The following ERMP1 variants were observed in gnomAD, a reference collection of about 807,000 sequenced individuals.
ERMP1 encodes endoplasmic reticulum metallopeptidase 1, also known as Felix-ina.
In ERMP1, 86 loss-of-function variants were observed where a neutral mutation model predicts 92.0. The observed-to-expected ratio is 0.93, with a 90% CI of 0.79 to 1.12. The LOEUF (loss-of-function observed/expected upper bound fraction) is 1.12, where lower values mean the gene tolerates loss of function less well. Among genes scored for constraint, ERMP1 ranks in the 50% most tolerant of loss-of-function variants. The pLI is 0.00. For missense variants in ERMP1, 1,342 were observed against 1,116.3 expected (o/e 1.20, Z -2.88); for synonymous variants, 530 against 412.8 (o/e 1.28, Z -3.44).
At position 5,833,049 on chromosome 9, in the gene ERMP1, GC is replaced by G; in HGVS notation, c.-23del. On this transcript the variant is annotated 5_prime_UTR_variant, in exon 1 of 15. Coordinates refer to ENST00000339450, the MANE Select transcript of ERMP1 (RefSeq NM_024896.3). ...CCATGGCCACGAGCCTCAGCTGCCAGCCCAACCGCCCCAACCCGCGACAGCC... is the reference window on the plus strand; with the variant it reads ...CCATGGCCACGAGCCTCAGCTGCCAGCCAACCGCCCCAACCCGCGACAGCC... 4 of 1,451,062 alleles carry G rather than the reference GC, an allele frequency of 2.8e-6. No homozygotes were observed. In the South Asian group the frequency reaches 4.3e-5, roughly 16 times the overall value. 89.9% of individuals were successfully genotyped at this position (1,451,062 alleles called of 1,614,324 possible). A position where few individuals can be genotyped will look rare whatever the true frequency, so the allele number is the denominator to read the frequency against.
intron 5 of ERMP1, among the ~76,000 whole-genome samples, chr9:5,863,976 C>T (rs1830576191): frequency 6.6e-6 from 1 of 151,942 alleles, no homozygotes; most frequent in South Asian, 2.1e-4. Context: ...AGATCATTTC[C>T]AATTTTTTAC....
At chr9:5,859,710 C>A (rs1008415588) in intron 5 of ERMP1, among the ~76,000 whole-genome samples, 6 of 152,176 alleles carry the variant, frequency 3.9e-5, no homozygotes, top group Admixed American at 1.3e-4. Context: ...TTGTTTCTCA[C>A]CTTAATGAGG....
intron 6 of ERMP1, among the ~76,000 whole-genome samples, chr9:5,858,080 TTGAAGGAAGGTTAG>T (rs1176384774): frequency 4.6e-5 from 7 of 152,110 alleles, no homozygotes; most frequent in Admixed American, 3.3e-4. Flanking sequence ...AAAGACCTCA[TTGAAGGAAGGTTAG>T]TGCTCTCATA....
At chr9:5,855,225 G>A (rs1158747540) in intron 6 of ERMP1, among the ~76,000 whole-genome samples, 1 of 152,232 alleles carries the variant, frequency 6.6e-6, no homozygotes, top group Non-Finnish European at 1.5e-5. Flanking sequence ...TAGGATGTCT[G>A]AAAAGGAGAG....
At chr9:5,865,740 A>C (rs936003381) in intron 5 of ERMP1, among the ~76,000 whole-genome samples, 1 of 148,774 alleles carries the variant, frequency 6.7e-6, no homozygotes, top group African/African-American at 2.5e-5. Context: ...CGGGAGGCTG[A>C]GGCATGAGAA....
chr9:5,826,957 G>A (rs2129663644), intron 2 of ERMP1, among the ~76,000 whole-genome samples: 1 of 152,262 alleles, frequency 6.6e-6, no homozygotes, highest in South Asian at 2.1e-4. Flanking sequence ...AGAAAGGGAA[G>A]GAAAGTTAAG....
At chr9:5,788,077 C>A (rs968464801) in intron 13 of ERMP1, among the ~76,000 whole-genome samples, 1 of 152,188 alleles carries the variant, frequency 6.6e-6, no homozygotes, top group Non-Finnish European at 1.5e-5. Context: ...AAAATTTAGT[C>A]ATCACTGGGA....
chr9:5,797,406 T>C (rs1335143052), intron 13 of ERMP1, among the ~76,000 whole-genome samples: 2 of 152,028 alleles, frequency 1.3e-5, no homozygotes, highest in East Asian at 3.9e-4. Context: ...TCCCAGCACT[T>C]TGGGAGGCCG....
At chr9:5,827,377 A>G (rs1829765886) in intron 2 of ERMP1, among the ~76,000 whole-genome samples, 1 of 151,728 alleles carries the variant, frequency 6.6e-6, no homozygotes, top group Non-Finnish European at 1.5e-5. Context: ...ATAAAAATTG[A>G]AAAAAAAATC....
At chr9:5,816,591 CA>C (rs1829315236) in intron 4 of ERMP1, among the ~76,000 whole-genome samples, 1 of 152,132 alleles carries the variant, frequency 6.6e-6, no homozygotes, top group Admixed American at 6.6e-5. Context: ...TGAACATATA[CA>C]CATCTTATGA....
intron 4 of ERMP1, among the ~76,000 whole-genome samples, chr9:5,823,290 A>G (rs1340956928): frequency 6.6e-6 from 1 of 152,196 alleles, no homozygotes; most frequent in Non-Finnish European, 1.5e-5. Context: ...AAAAACAATA[A>G]AATAAAAATT....
intron 6 of ERMP1, among the ~76,000 whole-genome samples, chr9:5,843,790 ACCACGGACAGTGTT>A (rs1380662104): frequency 6.6e-6 from 1 of 152,114 alleles, no homozygotes; most frequent in Non-Finnish European, 1.5e-5. Flanking sequence ...CCCATCCCCT[ACCACGGACAGTGTT>A]GCACACACCG....
intron 4 of ERMP1, among the ~76,000 whole-genome samples, chr9:5,823,225 C>A (rs903713221): frequency 1.3e-5 from 2 of 151,970 alleles, no homozygotes; most frequent in Non-Finnish European, 2.9e-5. Context: ...GTCAAGGCTG[C>A]ATGATGGCAC....
At chr9:5,857,308 C>G (rs940010661) in intron 6 of ERMP1, among the ~76,000 whole-genome samples, 1 of 152,176 alleles carries the variant, frequency 6.6e-6, no homozygotes, top group Admixed American at 6.5e-5. Flanking sequence ...AGGCATGAGC[C>G]ACTGTGCATG....
rs759698781 is a variant in ERMP1, at chr9:5,805,021, T to A, written c.1914+6A>T. ...AAGAAAAAGAAAAAAACTTATTTTC[T>A]CTTACAAAATAGGACGAGAGAATCA... On this transcript the variant is annotated splice_donor_region_variant and intron_variant, in intron 10 of 14. Transcript: ENST00000339450. 11 of 1,587,042 alleles carry A rather than the reference T, an allele frequency of 6.9e-6. No individual in the cohort carries two copies. The South Asian group carries it at 1.0e-4, about 15-fold the overall frequency.
chr9:5,834,852 G>T (rs1830067849), upstream of ERMP1, among the ~76,000 whole-genome samples: 1 of 151,754 alleles, frequency 6.6e-6, no homozygotes, highest in Admixed American at 6.6e-5. Flanking sequence ...TAGTACACAT[G>T]GCATTATTCA....
rs1412184934 is a variant in ERMP1 at position 5,833,078 on chromosome 9, GGCCGCCGCCGAC to G, written c.-63_-52del. 4.5e-6 allele frequency: 6 copies of G among 1,336,906 alleles called. No homozygotes were observed. Among genetic ancestry groups the G allele is most frequent in the African/African-American group, 1.5e-5 (1 of 65,398 alleles). The allele number at this position is 1,336,906 out of a possible 1,614,324, so 82.8% of individuals were successfully genotyped here. A position where few individuals can be genotyped will look rare whatever the true frequency, so the allele number is the denominator to read the frequency against. On this transcript the variant is annotated 5_prime_UTR_variant, in exon 1 of 15. Coordinates refer to ENST00000339450, the MANE Select transcript of ERMP1 (RefSeq NM_024896.3). ...AACCGCCCCAACCCGCGACAGCCCC[GGCCGCCGCCGAC>G]GCCGCCGTCGCTGCCGCAGCGCCTC...
At position 5,784,966 on chromosome 9, in the gene ERMP1, T is replaced by A. The variant is rs545495785; in HGVS notation, c.*2178A>T. The A allele has an allele frequency of 2.0e-5, 3 of 152,196 alleles. No homozygotes were observed. The highest frequency in any genetic ancestry group is 1.3e-4 in the Admixed American group (2 of 15,290). The allele number at this position is 152,196 out of a possible 1,614,324, so 9.4% of individuals were successfully genotyped here. Reference sequence around the variant, plus strand: ...TATTTAAATGATCACTCTTTAAAAATTTTTTTTAATCTCAGAATCTACTAA... The same window carrying A: ...TATTTAAATGATCACTCTTTAAAAAATTTTTTTAATCTCAGAATCTACTAA... On this transcript the variant is annotated 3_prime_UTR_variant, in exon 15 of 15. Transcript: ENST00000339450.
upstream of ERMP1, among the ~76,000 whole-genome samples, chr9:5,836,933 C>G (rs564012987): frequency 1.3e-5 from 2 of 152,232 alleles, no homozygotes; most frequent in South Asian, 4.2e-4. Context: ...CTTTTAACCC[C>G]CCCTCAAATT....
Sources: allele counts gnomAD v4.1 joint callset (sites outside exome capture counted in the v4.1 genomes callset), GRCh38; gene constraint gnomAD v4.1.1; transcripts MANE v1.5; gene names NCBI Gene and HGNC (gene_info 2026-07-23, HGNC 2026-07-21).